Variants in CACNB2 observed in about 807,000 individuals in gnomAD.
CACNB2 encodes voltage-dependent L-type calcium channel subunit beta-2.
Under a neutral mutation model 73.3 loss-of-function variants are expected in CACNB2, and 42 were observed. The observed-to-expected ratio is 0.57, with a 90% CI of 0.45 to 0.74. The LOEUF is 0.74. Ranked by LOEUF, CACNB2 falls within the 30% of genes least tolerant of loss-of-function variation. The pLI is 0.00. For synonymous variants in CACNB2, 348 were observed against 310.3 expected (o/e 1.12, Z -1.28); for missense variants, 940 against 853.0 (o/e 1.10, Z -1.27).
intron 3 of CACNB2, among the ~76,000 whole-genome samples, chr10:18,476,767 C>T (rs760358131): frequency 2.1e-4 from 32 of 152,302 alleles, no homozygotes; most frequent in Non-Finnish European, 3.7e-4. Flanking sequence ...AATCTCAGCA[C>T]TTAAGGAGGC....
intron 1 of CACNB2, chr10:18,141,111 C>T (rs2030339512): frequency 6.5e-7 from 1 of 1,549,582 alleles, no homozygotes; most frequent in African/African-American, 1.4e-5. Flanking sequence ...TGCCAGTCCT[C>T]CCAGACTTCT....
At chr10:18,210,644 A>G (rs754950815) in intron 2 of CACNB2, among the ~76,000 whole-genome samples, 4 of 152,166 alleles carry the variant, frequency 2.6e-5, no homozygotes, top group Non-Finnish European at 4.4e-5. Flanking sequence ...ATTGGTTACA[A>G]TAAAGGACTC....
chr10:18,429,759 C>T (rs1200434937), intron 3 of CACNB2, among the ~76,000 whole-genome samples: 1 of 146,280 alleles, frequency 6.8e-6, no homozygotes, highest in Non-Finnish European at 1.5e-5. Flanking sequence ...CACTTGAGCC[C>T]AGGAGTTCAA....
intron 2 of CACNB2, among the ~76,000 whole-genome samples, chr10:18,220,273 A>G (rs1564354218): frequency 8.3e-6 from 1 of 120,302 alleles, no homozygotes; most frequent in Admixed American, 8.4e-5. Context: ...AGAGAGAGAG[A>G]GAAAGAGAGA....
chr10:18,436,727 C>G (rs988806953), intron 3 of CACNB2, among the ~76,000 whole-genome samples: 1 of 152,082 alleles, frequency 6.6e-6, no homozygotes, highest in Non-Finnish European at 1.5e-5. Context: ...GCCAAATGAG[C>G]TTGTACAACT....
intron 2 of CACNB2, among the ~76,000 whole-genome samples, chr10:18,207,192 A>G (rs2035130700): frequency 6.6e-6 from 1 of 152,090 alleles, no homozygotes; most frequent in African/African-American, 2.4e-5. Flanking sequence ...TAGTTTTGGT[A>G]GAGACAGGGT....
intron 2 of CACNB2, among the ~76,000 whole-genome samples, chr10:18,371,853 C>A (rs889062872): frequency 1.3e-5 from 2 of 152,172 alleles, no homozygotes; most frequent in Non-Finnish European, 2.9e-5. Flanking sequence ...TCCACATCCT[C>A]TCCAGCACTT....
intron 3 of CACNB2, among the ~76,000 whole-genome samples, chr10:18,405,438 C>T (rs1407850845): frequency 6.6e-6 from 1 of 152,204 alleles, no homozygotes; most frequent in Non-Finnish European, 1.5e-5. Context: ...GTGCGTAATG[C>T]TGTTACGAAC....
At chr10:18,342,733 T>A (rs558714575) in intron 2 of CACNB2, among the ~76,000 whole-genome samples, 4 of 152,288 alleles carry the variant, frequency 2.6e-5, no homozygotes, top group African/African-American at 9.6e-5. Context: ...TTCAACACTT[T>A]AAATTCAGTC....
intron 2 of CACNB2, among the ~76,000 whole-genome samples, chr10:18,355,760 C>T (rs557204638): frequency 5.9e-5 from 9 of 151,834 alleles, no homozygotes; most frequent in South Asian, 2.1e-4. Flanking sequence ...CTCAGCCTCC[C>T]GAGTAGCTGG....
chr10:18,188,165 T>C (rs1564328799), intron 2 of CACNB2, among the ~76,000 whole-genome samples: 1 of 152,200 alleles, frequency 6.6e-6, no homozygotes, highest in African/African-American at 2.4e-5. Context: ...TAGCAAACTT[T>C]ACAGGGCCAT....
At chr10:18,224,865 G>C (rs1374429163) in intron 2 of CACNB2, among the ~76,000 whole-genome samples, 1 of 152,164 alleles carries the variant, frequency 6.6e-6, no homozygotes, top group Non-Finnish European at 1.5e-5. Flanking sequence ...CCTTAAGGTG[G>C]CCTAAGCTCC....
In CACNB2 at chr10:18,185,349, T is replaced by A. The variant is rs532135895; in HGVS notation, c.213+34374T>A. On this transcript the variant is annotated intron_variant, in intron 2 of 13. Transcript: ENST00000324631. Reference sequence around the variant, plus strand: ...AATTTATTAACAGAATCAGATGAGTTAAATTGTATACAGAGTATTTCCAGA... The same window carrying A: ...AATTTATTAACAGAATCAGATGAGTAAAATTGTATACAGAGTATTTCCAGA... Among the ~76,000 whole-genome samples, 49 of 152,318 alleles carry A rather than the reference T, an allele frequency of 3.2e-4. No individual in the cohort carries two copies. The South Asian group carries it at 0.01, about 32-fold the overall frequency.
chr10:18,170,909 A>C (rs954496874), intron 2 of CACNB2, among the ~76,000 whole-genome samples: 1 of 152,218 alleles, frequency 6.6e-6, no homozygotes, highest in South Asian at 2.1e-4. Context: ...AAGATTTTCC[A>C]TATATTTTTT....
At chr10:18,466,249 T>G (rs2047877619) in intron 3 of CACNB2, among the ~76,000 whole-genome samples, 1 of 152,158 alleles carries the variant, frequency 6.6e-6, no homozygotes, top group African/African-American at 2.4e-5. Context: ...ATATTTTTTA[T>G]TTTTTAGAGA....
intron 9 of CACNB2, among the ~76,000 whole-genome samples, chr10:18,520,722 C>A (rs904317620): frequency 6.6e-6 from 1 of 152,240 alleles, no homozygotes; most frequent in Admixed American, 6.5e-5. Flanking sequence ...GCCGTACTTA[C>A]TCCCTTGCTG....
chr10:18,285,171 A>G (rs1463859675), intron 2 of CACNB2, among the ~76,000 whole-genome samples: 1 of 152,080 alleles, frequency 6.6e-6, no homozygotes, highest in Non-Finnish European at 1.5e-5. Flanking sequence ...TGAGCCATAT[A>G]CCCTGTATTC....
intron 9 of CACNB2, among the ~76,000 whole-genome samples, chr10:18,519,272 T>C (rs963941521): frequency 6.6e-6 from 1 of 152,190 alleles, no homozygotes; most frequent in Non-Finnish European, 1.5e-5. Context: ...GGCATCGCAC[T>C]AAATATCCCT....
At chr10:18,522,877 C>CAAAAAAAA in intron 9 of CACNB2, among the ~76,000 whole-genome samples, 1 of 77,820 alleles carries the variant, frequency 1.3e-5, no homozygotes. Context: ...GACTCTGTCT[C>CAAAAAAAA]AAAAAAAAAA....
Sources: gnomAD v4.1 joint callset for allele counts (sites outside exome capture counted in the v4.1 genomes callset) on GRCh38, gnomAD v4.1.1 for gene constraint, MANE v1.5 for transcripts, NCBI Gene and HGNC (gene_info 2026-07-23, HGNC 2026-07-21) for gene names.